FBXW7: variants seen among roughly 807,000 people sequenced by gnomAD.
The protein encoded by FBXW7 is F-box/WD repeat-containing protein 7.
FBXW7 carries 11 observed loss-of-function variants against 86.3 expected under a neutral mutation model. The observed-to-expected ratio is 0.13, with a 90% CI of 0.08 to 0.21. FBXW7 has a LOEUF of 0.21. Among genes scored for constraint, FBXW7 ranks in the 10% least tolerant of loss-of-function variants. The pLI is 1.00. For missense variants in FBXW7, 488 were observed against 847.4 expected (o/e 0.58, Z 5.27); for synonymous variants, 313 against 297.9 (o/e 1.05, Z -0.52).
intron 4 of FBXW7, among the ~76,000 whole-genome samples, chr4:152,383,690 A>C (rs2126785490): frequency 6.6e-6 from 1 of 152,274 alleles, no homozygotes; most frequent in Non-Finnish European, 1.5e-5. Flanking sequence ...TGAAAGGAGA[A>C]AGTTAGAAAT....
At chr4:152,448,859 G>T (rs748650662) in intron 2 of FBXW7, among the ~76,000 whole-genome samples, 37 of 152,196 alleles carry the variant, frequency 2.4e-4, no homozygotes, top group Non-Finnish European at 5.3e-4. Context: ...TTATATTAAA[G>T]CCCAAGTACT....
At chr4:152,400,883 A>T (rs959864550) in intron 4 of FBXW7, among the ~76,000 whole-genome samples, 3 of 152,230 alleles carry the variant, frequency 2.0e-5, no homozygotes, top group Non-Finnish European at 4.4e-5. Context: ...CATGGACAAA[A>T]GATCTGGACA....
At chr4:152,494,567 A>AT (rs1391249985) in intron 2 of FBXW7, among the ~76,000 whole-genome samples, 3 of 152,308 alleles carry the variant, frequency 2.0e-5, no homozygotes, top group Admixed American at 2.0e-4. Context: ...CAGAATTAGG[A>AT]TTTTACCAAA....
chr4:152,461,274 T>C (rs370014141), intron 2 of FBXW7, among the ~76,000 whole-genome samples: 11 of 150,612 alleles, frequency 7.3e-5, no homozygotes, highest in Admixed American at 6.7e-4. Flanking sequence ...AAATAAAATA[T>C]AATATAAAAA....
At chr4:152,471,982 T>C (rs1000802785) in intron 2 of FBXW7, among the ~76,000 whole-genome samples, 5 of 152,064 alleles carry the variant, frequency 3.3e-5, no homozygotes, top group Non-Finnish European at 7.4e-5. Flanking sequence ...AATGCACATG[T>C]TCCACTAAAG....
At chr4:152,408,963 A>G (rs1444307809) in intron 4 of FBXW7, among the ~76,000 whole-genome samples, 1 of 152,206 alleles carries the variant, frequency 6.6e-6, no homozygotes, top group African/African-American at 2.4e-5. Context: ...TTTTTAACAT[A>G]TATTGCTTGC....
At chr4:152,380,404 A>G (rs898397226) in intron 4 of FBXW7, among the ~76,000 whole-genome samples, 1 of 152,064 alleles carries the variant, frequency 6.6e-6, no homozygotes, top group Non-Finnish European at 1.5e-5. Flanking sequence ...GAGTTATGCA[A>G]TAGTAAATTA....
intron 2 of FBXW7, among the ~76,000 whole-genome samples, chr4:152,484,219 A>G (rs1331770298): frequency 6.6e-6 from 1 of 152,140 alleles, no homozygotes; most frequent in Non-Finnish European, 1.5e-5. Context: ...GGGTTCCAAC[A>G]TCCATTCTAC....
At chr4:152,505,939 C>T (rs946252026) in intron 2 of FBXW7, among the ~76,000 whole-genome samples, 24 of 151,774 alleles carry the variant, frequency 1.6e-4, no homozygotes, top group Middle Eastern at 3.4e-3. Context: ...CAGGGTTTTG[C>T]GATGTTGGCC....
intron 4 of FBXW7, among the ~76,000 whole-genome samples, chr4:152,362,190 C>T (rs1325723543): frequency 6.6e-6 from 1 of 151,988 alleles, no homozygotes. Flanking sequence ...TGAACAAGTG[C>T]ATATAGCTGT....
intron 2 of FBXW7, among the ~76,000 whole-genome samples, chr4:152,442,748 C>G (rs189092640): frequency 3.3e-5 from 5 of 152,220 alleles, no homozygotes; most frequent in Admixed American, 2.0e-4. Context: ...GTTTTGTTTC[C>G]CAAGTTATGA....
chr4:152,328,331 T>C lies in FBXW7; in HGVS notation c.1295A>G (p.Asn432Ser), dbSNP rs772668762. 5 of 1,592,048 alleles carry C rather than the reference T, an allele frequency of 3.1e-6. No homozygotes were observed. The highest frequency in any genetic ancestry group is 4.3e-6 in the Non-Finnish European group (5 of 1,170,800). Residue 432 changes from asparagine to serine, a missense_variant, in exon 11 of 14, where the codon AAC becomes AGC. By Grantham distance (46) the Asn-to-Ser change is conservative. Transcript: ENST00000281708. ...GGVWSSQMRD[N>S]IIISGSTDRT... ...ATCTGTAGATCCACTAATGATGATG[T>C]TGTCTCTCATTTGTGATGACCATAC...
Position 152,411,285 on chromosome 4 carries a change from T to A in FBXW7, c.501+18A>T, listed in dbSNP as rs757915339. 55 of 1,554,854 alleles carry A rather than the reference T, an allele frequency of 3.5e-5. No homozygotes were observed. In the Admixed American group the frequency reaches 1.0e-3, roughly 29 times the overall value. On this transcript the variant is annotated intron_variant, in intron 4 of 13. Coordinates refer to ENST00000281708, the MANE Select transcript of FBXW7 (RefSeq NM_001349798.2). Reference sequence around the variant, plus strand: ...TATGTAAAGTTTCTCAGGTTAACAATATATTGAATATACTCACTTTTGTTG... The same window carrying A: ...TATGTAAAGTTTCTCAGGTTAACAAAATATTGAATATACTCACTTTTGTTG...
At position 152,477,335 on chromosome 4, in the gene FBXW7, G is replaced by A. The variant is rs187546846; in HGVS notation, c.-120+57606C>T. Among the ~76,000 whole-genome samples the A allele has an allele frequency of 2.2e-4, 34 of 152,186 alleles. No homozygotes were observed. The East Asian group carries it at 3.3e-3, about 15-fold the overall frequency. ...ATTTGGAAAAGTATTAGCAGTCATC[G>A]GACCTATCATCTCTTACCAGAGTGA... On this transcript the variant is annotated intron_variant, in intron 2 of 13. Coordinates refer to ENST00000281708, the MANE Select transcript of FBXW7 (RefSeq NM_001349798.2).
At chr4:152,395,905 G>A (rs1736383382) in intron 4 of FBXW7, among the ~76,000 whole-genome samples, 2 of 151,792 alleles carry the variant, frequency 1.3e-5, no homozygotes, top group South Asian at 4.1e-4. Flanking sequence ...TGCAAAATCT[G>A]GACACCAATA....
intron 2 of FBXW7, among the ~76,000 whole-genome samples, chr4:152,526,212 C>T (rs949258282): frequency 1.3e-5 from 2 of 151,744 alleles, no homozygotes; most frequent in African/African-American, 4.8e-5. Context: ...GCATAGTTTG[C>T]AAGTATTTTC....
rs915437095 is a variant in FBXW7, at chr4:152,352,409, T to C, written c.502-2285A>G. ...CAGCCATCTCTGATGATACAGATTTTCCTTCTCAGGCAGGCATACACACAC... is the reference window on the plus strand; with the variant it reads ...CAGCCATCTCTGATGATACAGATTTCCCTTCTCAGGCAGGCATACACACAC... On this transcript the variant is annotated intron_variant, in intron 4 of 13. Coordinates refer to ENST00000281708, the MANE Select transcript of FBXW7 (RefSeq NM_001349798.2). 3.1e-6 allele frequency: 5 copies of C among 1,599,716 alleles called. No individual in the cohort carries two copies. The African/African-American group carries it at 6.7e-5, about 21-fold the overall frequency.
At chr4:152,510,165 C>T (rs994874459) in intron 2 of FBXW7, among the ~76,000 whole-genome samples, 2 of 152,206 alleles carry the variant, frequency 1.3e-5, no homozygotes, top group Non-Finnish European at 2.9e-5. Context: ...CAGTAAATTA[C>T]AACACATCTC....
chr4:152,483,620 C>A (rs1322137966), intron 2 of FBXW7, among the ~76,000 whole-genome samples: 1 of 152,030 alleles, frequency 6.6e-6, no homozygotes, highest in Non-Finnish European at 1.5e-5. Context: ...ATTGCTTGAG[C>A]CTGGGAGGTC....
Sources: allele counts gnomAD v4.1 joint callset (sites outside exome capture counted in the v4.1 genomes callset), GRCh38; gene constraint gnomAD v4.1.1; transcripts MANE v1.5; gene names NCBI Gene and HGNC (gene_info 2026-07-23, HGNC 2026-07-21).